HNRNPC: variants seen among roughly 807,000 people sequenced by gnomAD.
HNRNPC encodes the protein heterogeneous nuclear ribonucleoprotein C.
In HNRNPC, 3 loss-of-function variants were observed where a neutral mutation model predicts 33.2. That is an observed-to-expected ratio of 0.09 (90% CI 0.04 to 0.23). The LOEUF (loss-of-function observed/expected upper bound fraction) is 0.23. Ranked by LOEUF, HNRNPC falls within the 10% of genes least tolerant of loss-of-function variation. HNRNPC has a pLI of 1.00. For synonymous variants in HNRNPC, 121 were observed against 126.7 expected (o/e 0.96, Z 0.30); for missense variants, 143 against 366.7 (o/e 0.39, Z 4.98).
intron 2 of HNRNPC, among the ~76,000 whole-genome samples, chr14:21,261,611 C>T (rs761948238): frequency 4.6e-5 from 7 of 152,044 alleles, no homozygotes; most frequent in Non-Finnish European, 7.4e-5. Flanking sequence ...AAAATTATTC[C>T]AGGTTAGGTG....
rs566568690 is a variant in HNRNPC at position 21,251,638 on chromosome 14, C to T, written c.-37+11673G>A. On this transcript the variant is annotated intron_variant, in intron 2 of 8. Coordinates refer to ENST00000553300, the MANE Select transcript of HNRNPC (RefSeq NM_004500.4). Reference sequence around the variant, plus strand: ...TGGAGGTTGCAGTGAGCCAAGACTGCGCCGCTGCACTCCAGCCTGGGCAAC... The same window carrying T: ...TGGAGGTTGCAGTGAGCCAAGACTGTGCCGCTGCACTCCAGCCTGGGCAAC... 4.9e-4 allele frequency among the ~76,000 whole-genome samples: 74 copies of T among 151,964 alleles called. 1 individual carries two copies. The East Asian group carries it at 8.5e-3, about 18-fold the overall frequency.
At chr14:21,257,947 A>C (rs1015338777) in intron 2 of HNRNPC, among the ~76,000 whole-genome samples, 1 of 152,196 alleles carries the variant, frequency 6.6e-6, no homozygotes. Flanking sequence ...CATCTACCTA[A>C]ACATTAACTA....
chr14:21,255,036 G>A (rs1007138279), intron 2 of HNRNPC, among the ~76,000 whole-genome samples: 4 of 151,988 alleles, frequency 2.6e-5, no homozygotes, highest in African/African-American at 7.3e-5. Context: ...TTTTCTTCTC[G>A]CTCTGAAGCT....
At chr14:21,219,550 A>T (rs1892599480) in intron 5 of HNRNPC, among the ~76,000 whole-genome samples, 1 of 152,174 alleles carries the variant, frequency 6.6e-6, no homozygotes, top group African/African-American at 2.4e-5. Flanking sequence ...GACATGAAAG[A>T]CCTTGTTTGC....
chr14:21,254,548 T>C (rs965575997), intron 2 of HNRNPC: 1 of 152,190 alleles, frequency 6.6e-6, no homozygotes, highest in Non-Finnish European at 1.5e-5. Flanking sequence ...ATGAGGTACC[T>C]CCTCTCCCAA....
intron 5 of HNRNPC, among the ~76,000 whole-genome samples, chr14:21,221,216 A>G (rs1892793111): frequency 6.6e-6 from 1 of 152,194 alleles, no homozygotes; most frequent in Admixed American, 6.5e-5. Context: ...ACTTTCTCCT[A>G]TTTACTCTTT....
At chr14:21,266,252 G>A (rs745866075) in intron 1 of HNRNPC, among the ~76,000 whole-genome samples, 1 of 152,020 alleles carries the variant, frequency 6.6e-6, no homozygotes, top group Non-Finnish European at 1.5e-5. Context: ...ACAGGCGAGC[G>A]CCAGCACGCC....
chr14:21,260,544 T>G (rs1221051205), intron 2 of HNRNPC, among the ~76,000 whole-genome samples: 1 of 151,986 alleles, frequency 6.6e-6, no homozygotes, highest in Non-Finnish European at 1.5e-5. Context: ...TCTCGCTGGG[T>G]GCGGCAGCTC....
chr14:21,238,523 G>A (rs890869862), intron 2 of HNRNPC, among the ~76,000 whole-genome samples: 1 of 152,068 alleles, frequency 6.6e-6, no homozygotes, highest in Non-Finnish European at 1.5e-5. Flanking sequence ...ATTTCTGTAG[G>A]AAAAACTCAT....
chr14:21,265,318 AC>A (rs1295321320), intron 1 of HNRNPC: 2 of 152,346 alleles, frequency 1.3e-5, no homozygotes, highest in East Asian at 3.9e-4. Flanking sequence ...AAGATACATA[AC>A]TTTATAGCTC....
intron 2 of HNRNPC, among the ~76,000 whole-genome samples, chr14:21,250,376 T>C (rs1430870384): frequency 2.0e-5 from 3 of 152,204 alleles, no homozygotes; most frequent in Admixed American, 2.0e-4. Flanking sequence ...GAAGGTATAT[T>C]AAGAATTCAT....
intron 5 of HNRNPC, among the ~76,000 whole-genome samples, chr14:21,227,401 C>G (rs1309403704): frequency 6.6e-6 from 1 of 152,182 alleles, no homozygotes; most frequent in Non-Finnish European, 1.5e-5. Flanking sequence ...CACTAGTTAT[C>G]AGTAATCATT....
rs1891399234 is a variant in HNRNPC at position 21,209,330 on chromosome 14, CACTT to C, written c.*1889_*1892del. ...GCCCTACAGTGAAGGGAAAAGTAGA[CACTT>C]GATTGTGGACTAATTTGTTCAGTAT... On this transcript the variant is annotated 3_prime_UTR_variant, in exon 9 of 9. Transcript: ENST00000553300. 6.6e-6 allele frequency: 1 copy of C among 152,164 alleles called. No homozygotes were observed. The highest frequency in any genetic ancestry group is 2.4e-5 in the African/African-American group (1 of 41,432). 9.4% of individuals were successfully genotyped at this position (152,164 alleles called of 1,614,324 possible). A position where few individuals can be genotyped will look rare whatever the true frequency, so the allele number is the denominator to read the frequency against.
intron 5 of HNRNPC, among the ~76,000 whole-genome samples, chr14:21,218,704 A>AAAAAAAAAAAAAAAAAAAAAAAC (rs1225752731): frequency 7.3e-6 from 1 of 136,794 alleles, no homozygotes; most frequent in African/African-American, 2.8e-5. Context: ...AAAAAAAAAA[A>AAAAAAAAAAAAAAAAAAAAAAAC]AAAACTGAAA....
At chr14:21,237,111 T>C (rs573597451) in intron 2 of HNRNPC, among the ~76,000 whole-genome samples, 29 of 152,294 alleles carry the variant, frequency 1.9e-4, no homozygotes, top group African/African-American at 6.5e-4. Context: ...GGGACTTCAA[T>C]AAAAATGTGT....
intron 5 of HNRNPC, among the ~76,000 whole-genome samples, chr14:21,215,880 C>T (rs990097398): frequency 7.9e-6 from 1 of 126,022 alleles, no homozygotes; most frequent in African/African-American, 3.2e-5. Flanking sequence ...GCCTCAGTGA[C>T]AGAGCAAGAC....
chr14:21,262,473 C>G (rs930802473), intron 2 of HNRNPC: 9 of 152,262 alleles, frequency 5.9e-5, no homozygotes, highest in Non-Finnish European at 1.3e-4. Context: ...TTGGGAAACA[C>G]CTCAAGATGC....
intron 2 of HNRNPC, among the ~76,000 whole-genome samples, chr14:21,246,442 T>A (rs1268899305): frequency 6.6e-6 from 1 of 151,848 alleles, no homozygotes; most frequent in Non-Finnish European, 1.5e-5. Flanking sequence ...GGCGGGTACC[T>A]GTAGTCCCAG....
At chr14:21,259,092 C>G (rs1214178879) in intron 2 of HNRNPC, among the ~76,000 whole-genome samples, 2 of 152,214 alleles carry the variant, frequency 1.3e-5, no homozygotes, top group Non-Finnish European at 2.9e-5. Flanking sequence ...GCCTACCTCT[C>G]TAACTCCATC....
Sources: allele counts gnomAD v4.1 joint callset (sites outside exome capture counted in the v4.1 genomes callset), GRCh38; gene constraint gnomAD v4.1.1; transcripts MANE v1.5; gene names NCBI Gene and HGNC (gene_info 2026-07-23, HGNC 2026-07-21).